KDM5C: variants seen among roughly 807,000 people sequenced by gnomAD.
KDM5C encodes the protein lysine-specific demethylase 5C.
In KDM5C, 16 loss-of-function variants were observed where a neutral mutation model predicts 110.6. The ratio of observed to expected loss-of-function variants is 0.14; its 90% CI spans 0.10 to 0.22. KDM5C has a LOEUF of 0.22. Ranked by LOEUF, KDM5C falls within the 10% of genes least tolerant of loss-of-function variation. KDM5C has a pLI of 1.00. For missense variants in KDM5C, 681 were observed against 1,300.9 expected (o/e 0.52, Z 7.33); for synonymous variants, 511 against 520.4 (o/e 0.98, Z 0.24).
intron 2 of KDM5C, among the ~76,000 whole-genome samples, chrX:53,219,701 A>G (rs1484690770): frequency 1.8e-5 from 2 of 112,459 alleles, no homozygotes; most frequent in Admixed American, 9.4e-5. Flanking sequence ...ATTTGTAGAA[A>G]GAAACAACCT....
At position 53,192,881 on chromosome X, in the gene KDM5C, C is replaced by CCCCCCCCCCACA; in HGVS notation, c.*85_*86insTGTGGGGGGGGG. On this transcript the variant is annotated 3_prime_UTR_variant, in exon 26 of 26. Transcript: ENST00000375401. Reference sequence around the variant, plus strand: ...TGGCCACCCCCCTACCCGCCCACCCCCCAAGAAGCAGGCTTGATGGTCAGA... The same window carrying CCCCCCCCCCACA: ...TGGCCACCCCCCTACCCGCCCACCCCCCCCCCCCCACACCAAGAAGCAGGCTTGATGGTCAGA... The CCCCCCCCCCACA allele has an allele frequency of 9.5e-7, 1 of 1,054,419 alleles. No homozygotes were observed. Among genetic ancestry groups the CCCCCCCCCCACA allele is most frequent in the Non-Finnish European group, 1.2e-6 (1 of 802,810 alleles). 86.9% of individuals were successfully genotyped at this position (1,054,419 alleles called of 1,213,427 possible). A position where few individuals can be genotyped will look rare whatever the true frequency, so the allele number is the denominator to read the frequency against.
At chrX:53,188,147 G>T (rs189955073), downstream of KDM5C, among the ~76,000 whole-genome samples, 1 of 111,657 alleles carries the variant, frequency 9.0e-6, no homozygotes, top group Non-Finnish European at 1.9e-5. Context: ...ATATGGACCT[G>T]ATTTAGATGT....
downstream of KDM5C, among the ~76,000 whole-genome samples, chrX:53,188,436 C>T (rs782793784): frequency 1.7e-4 from 18 of 108,101 alleles, no homozygotes; most frequent in African/African-American, 5.1e-4. Context: ...AGTGCAATGG[C>T]GCGATCTTGG....
chrX:53,202,192 T>C, intron 12 of KDM5C: 1 of 402,667 alleles, frequency 2.5e-6, no homozygotes, highest in East Asian at 4.3e-5. Flanking sequence ...GATTAAAAAA[T>C]ATATCTGTCA....
downstream of KDM5C, among the ~76,000 whole-genome samples, chrX:53,188,438 C>T (rs782163316): frequency 1.5e-4 from 16 of 108,148 alleles, no homozygotes; most frequent in Non-Finnish European, 3.1e-4. Context: ...TGCAATGGCG[C>T]GATCTTGGCT....
At chrX:53,200,697 G>C (rs886410424) in intron 14 of KDM5C, among the ~76,000 whole-genome samples, 2 of 112,019 alleles carry the variant, frequency 1.8e-5, no homozygotes, top group Admixed American at 1.9e-4. Flanking sequence ...CCCTAGATAG[G>C]CAGCAAGGGA....
downstream of KDM5C, among the ~76,000 whole-genome samples, chrX:53,190,564 C>T (rs142341821): frequency 4.6e-3 from 512 of 111,998 alleles, 6 homozygotes; most frequent in African/African-American, 0.016. Flanking sequence ...CTCCTGTCAG[C>T]TCCTCCAACC....
chrX:53,210,893 G>C, intron 10 of KDM5C, 36 bp from the exon 11 acceptor site: 2 of 1,133,460 alleles, frequency 1.8e-6, no homozygotes, highest in Non-Finnish European at 2.4e-6. Flanking sequence ...GGGCATGAGG[G>C]TTATGCTAAG....
chrX:53,216,038 C>T, intron 6 of KDM5C, 36 bp downstream of exon 6: 1 of 1,212,236 alleles, frequency 8.2e-7, no homozygotes, highest in Non-Finnish European at 1.1e-6. Context: ...TGACTTTTCT[C>T]CCCAGGTGAG....
downstream of KDM5C, among the ~76,000 whole-genome samples, chrX:53,186,955 A>T (rs1395829804): frequency 2.7e-5 from 3 of 112,462 alleles, no homozygotes; most frequent in Admixed American, 9.4e-5. Context: ...AGAGATATTC[A>T]CGTCCCACAT....
Position 53,224,764 on chromosome X carries a change from G to A in KDM5C, c.126C>T (p.Gly42=). The A allele has an allele frequency of 5.0e-6, 6 of 1,211,843 alleles. No homozygotes were observed. The highest frequency in any genetic ancestry group is 2.2e-5 in the Admixed American group (1 of 46,127). Reference sequence around the variant, plus strand: ...CCGCGGGTGGGCGGATCTTGCAAATGCCCGATTTCTCTGCGATGGGCCTGA... The same window carrying A: ...CCGCGGGTGGGCGGATCTTGCAAATACCCGATTTCTCTGCGATGGGCCTGA... ...AKIRPIAEKS[G]ICKIRPPADW... Residue 42 remains glycine, a synonymous_variant, in exon 1 of 26, where the codon GGC becomes GGT. Coordinates refer to ENST00000375401, the MANE Select transcript of KDM5C (RefSeq NM_004187.5).
chrX:53,216,059 C>G lies in KDM5C; in HGVS notation c.781+15G>C. 8.2e-7 allele frequency: 1 copy of G among 1,212,398 alleles called. No individual in the cohort carries two copies. On this transcript the variant is annotated intron_variant, in intron 6 of 25. Transcript: ENST00000375401. ...TTCTCCCCAGGTGAGGCCACCCCAG[C>G]CTGTTAGGCCTTACCTTTCTTCCGC...
At chrX:53,190,247 G>C (rs1556829591), downstream of KDM5C, among the ~76,000 whole-genome samples, 1 of 112,633 alleles carries the variant, frequency 8.9e-6, no homozygotes, top group Non-Finnish European at 1.9e-5. Context: ...GGTCTTGCAG[G>C]ATGATGGCCA....
intron 22 of KDM5C, 77 bp from the exon 23 acceptor site, chrX:53,194,815 C>T (rs782040798): frequency 8.4e-7 from 1 of 1,191,149 alleles, no homozygotes; most frequent in South Asian, 1.8e-5. Flanking sequence ...TTAACACCCC[C>T]ACTCCCAAAC....
chrX:53,179,194 A>G (rs1933963583), intron 25 of KDM5C, among the ~76,000 whole-genome samples: 1 of 106,332 alleles, frequency 9.4e-6, no homozygotes, highest in Non-Finnish European at 1.9e-5. Flanking sequence ...AGATCGTGCC[A>G]TTGCACTCCA....
At chrX:53,211,731 C>A in intron 9 of KDM5C, 56 bp downstream of exon 9, 2 of 1,209,726 alleles carry the variant, frequency 1.7e-6, no homozygotes, top group Non-Finnish European at 2.2e-6. Flanking sequence ...CTGAGACCAT[C>A]TGGCATCAAT....
At chrX:53,195,853 G>A in intron 20 of KDM5C, 63 bp downstream of exon 20, 3 of 1,139,390 alleles carry the variant, frequency 2.6e-6, no homozygotes, top group Non-Finnish European at 3.6e-6. Flanking sequence ...GCACATCCCA[G>A]TGTATATGCC....
chrX:53,212,100 A>G (rs1054138857), intron 8 of KDM5C, among the ~76,000 whole-genome samples, 194 bp from the exon 9 acceptor site: 1 of 111,257 alleles, frequency 9.0e-6, no homozygotes, highest in Non-Finnish European at 1.9e-5. Context: ...ATTCCCCATC[A>G]TGCTTTTGCT....
chrX:53,199,697 A>G (rs782515852), intron 14 of KDM5C, among the ~76,000 whole-genome samples: 2 of 112,337 alleles, frequency 1.8e-5, no homozygotes, highest in South Asian at 7.3e-4. Context: ...TCTCCCAACA[A>G]TATGGTTTCC....
Sources: allele counts gnomAD v4.1 joint callset (sites outside exome capture counted in the v4.1 genomes callset), GRCh38; gene constraint gnomAD v4.1.1; transcripts MANE v1.5; gene names NCBI Gene and HGNC (gene_info 2026-07-23, HGNC 2026-07-21).